DNAH5: variants seen among roughly 807,000 people sequenced by gnomAD.
DNAH5 encodes the protein axonemal beta dynein heavy chain 5.
In DNAH5, 372 loss-of-function variants were observed where a neutral mutation model predicts 518.2. The ratio of observed to expected loss-of-function variants is 0.72; its 90% CI spans 0.66 to 0.78. DNAH5 has a LOEUF of 0.78. Ranked by LOEUF, DNAH5 falls within the 30% of genes least tolerant of loss-of-function variation. The pLI is 0.00. For missense variants in DNAH5, 5,523 were observed against 5,687.0 expected, an observed-to-expected ratio of 0.97 and a Z score of 0.93; for synonymous variants, 2,039 against 2,025.9, an observed-to-expected ratio of 1.01 and a Z score of -0.17.
intron 14 of DNAH5, 195 bp from the exon 15 acceptor site, chr5:13,900,607 T>C (rs1774473143): frequency 3.3e-6 from 2 of 611,884 alleles, no homozygotes; most frequent in East Asian, 5.6e-5. Flanking sequence ...TTGGTGTTGA[T>C]GTTGGGCAGT....
chr5:13,840,927 T>G lies in DNAH5; in HGVS notation c.5688A>C (p.Gln1896His). ...YETLITIHVH[Q>H]RDIFDDLCHM... ...TTACCAGGTCATCAAAGATATCCCT[T>G]TGGTGCACATGAATAGTAATCAGAG... Residue 1896 changes from glutamine to histidine, a missense_variant, in exon 34 of 79, where the codon CAA (glutamine) becomes CAC (histidine). Physicochemically the swap from Gln to His is conservative, Grantham distance 24. This residue lies in a region of DNAH5 where 5,121 missense variants were observed against 5,223.3 expected (regional missense o/e 0.98). Transcript: ENST00000265104. 3.1e-6 allele frequency: 5 copies of G among 1,614,036 alleles called. No homozygotes were observed. The highest frequency in any genetic ancestry group is 4.2e-6 in the Non-Finnish European group (5 of 1,179,890).
At chr5:13,743,665 G>C (rs975350691) in intron 65 of DNAH5, among the ~76,000 whole-genome samples, 3 of 151,856 alleles carry the variant, frequency 2.0e-5, no homozygotes, top group Non-Finnish European at 2.9e-5. Context: ...GAACAGACAT[G>C]TCTCAAAAGA....
chr5:13,700,336 C>A (rs1381466122), intron 78 of DNAH5, among the ~76,000 whole-genome samples: 1 of 152,224 alleles, frequency 6.6e-6, no homozygotes, highest in African/African-American at 2.4e-5. Context: ...TCTCCTTTCC[C>A]ATGCCTATTA....
chr5:13,869,001 T>C (rs1769688997), intron 24 of DNAH5, among the ~76,000 whole-genome samples: 1 of 152,180 alleles, frequency 6.6e-6, no homozygotes, highest in South Asian at 2.1e-4. Context: ...TCTTAATTCC[T>C]AGGTGGGAGA....
intron 1 of DNAH5, among the ~76,000 whole-genome samples, chr5:14,002,221 T>A (rs1322387362): frequency 1.3e-5 from 2 of 152,168 alleles, no homozygotes; most frequent in Non-Finnish European, 2.9e-5. Context: ...CTTTGGCTAT[T>A]CATATAATAC....
chr5:13,859,404 G>C (rs530614658), intron 30 of DNAH5, 48 bp downstream of exon 30: 1 of 1,609,178 alleles, frequency 6.2e-7, no homozygotes, highest in African/African-American at 1.3e-5. Flanking sequence ...ATCGCTCTGA[G>C]AGCTTTCTCT....
intron 75 of DNAH5, among the ~76,000 whole-genome samples, chr5:13,711,517 G>A (rs1339249294): frequency 6.6e-6 from 1 of 152,180 alleles, no homozygotes; most frequent in African/African-American, 2.4e-5. Context: ...GTCCTGGCCA[G>A]AGCAATCAGT....
intron 65 of DNAH5, among the ~76,000 whole-genome samples, chr5:13,742,258 A>C (rs1036088566): frequency 2.0e-5 from 3 of 152,114 alleles, no homozygotes; most frequent in Non-Finnish European, 4.4e-5. Context: ...TCAAAAGCAG[A>C]ACCAGGTCTT....
intron 33 of DNAH5, 101 bp from the exon 34 acceptor site, chr5:13,841,231 A>G (rs1195120864): frequency 2.1e-6 from 2 of 945,656 alleles, no homozygotes; most frequent in Admixed American, 4.0e-5. Context: ...CACAAGTGTA[A>G]AGCCATGATT....
At chr5:13,820,320 A>T in intron 41 of DNAH5, 26 bp downstream of exon 41, 4 of 1,604,370 alleles carry the variant, frequency 2.5e-6, no homozygotes, top group Non-Finnish European at 3.4e-6. Flanking sequence ...GGGCCACCCC[A>T]GGCATTGACC....
chr5:13,920,633 A>G lies in DNAH5; in HGVS notation c.661-16T>C, dbSNP rs1161197658. ...GAAGGTTCACCTAATTAGAATGAAA[A>G]TTAAATAATCAGATGATGCTTTTGT... is the stretch of plus-strand genomic sequence containing the variant. On this transcript the variant is annotated splice_polypyrimidine_tract_variant and intron_variant, in intron 5 of 78. Transcript: ENST00000265104. 6.2e-7 allele frequency: 1 copy of G among 1,613,790 alleles called. No homozygotes were observed. Among genetic ancestry groups the G allele is most frequent in the East Asian group, 2.2e-5 (1 of 44,848 alleles).
At chr5:13,760,077 C>T (rs1331000184) in intron 60 of DNAH5, among the ~76,000 whole-genome samples, 3 of 152,168 alleles carry the variant, frequency 2.0e-5, no homozygotes, top group Non-Finnish European at 4.4e-5. Context: ...CTGTAAGCTG[C>T]AACTGTTCCC....
intron 59 of DNAH5, 80 bp from the exon 60 acceptor site, chr5:13,762,981 GA>G (rs1751990985): frequency 8.3e-7 from 1 of 1,199,642 alleles, no homozygotes; most frequent in African/African-American, 1.5e-5. Flanking sequence ...CAATGCCACT[GA>G]AACTACTGAA....
At chr5:13,940,355 G>A (rs1580986133) in intron 1 of DNAH5, among the ~76,000 whole-genome samples, 1 of 152,128 alleles carries the variant, frequency 6.6e-6, no homozygotes, top group Admixed American at 6.5e-5. Flanking sequence ...ATTTCAAGAG[G>A]TCTCTCTGGC....
chr5:13,780,742 TA>T, intron 53 of DNAH5, 86 bp downstream of exon 53: 1 of 1,432,830 alleles, frequency 7.0e-7, no homozygotes, highest in South Asian at 1.2e-5. Flanking sequence ...TCTTTATATG[TA>T]AGAGAAATGC....
intron 70 of DNAH5, among the ~76,000 whole-genome samples, chr5:13,724,768 C>T (rs114685791): frequency 0.031 from 4,643 of 152,186 alleles, 218 homozygotes; most frequent in African/African-American, 0.099. Context: ...TGCAGCATCT[C>T]CCCCACTCTC....
chr5:13,919,609 G>T (rs761854972), intron 6 of DNAH5, among the ~76,000 whole-genome samples: 4 of 152,062 alleles, frequency 2.6e-5, no homozygotes, highest in Non-Finnish European at 4.4e-5. Flanking sequence ...ATTTTGGGGG[G>T]TTTTTAAAGA....
intron 58 of DNAH5, among the ~76,000 whole-genome samples, chr5:13,767,820 C>G (rs190138671): frequency 6.6e-6 from 1 of 152,128 alleles, no homozygotes; most frequent in African/African-American, 2.4e-5. Context: ...GGCAATAGAA[C>G]AGTTATCTAA....
intron 1 of DNAH5, among the ~76,000 whole-genome samples, chr5:13,964,281 G>A (rs532770009): frequency 2.6e-4 from 40 of 152,198 alleles, no homozygotes; most frequent in Admixed American, 9.8e-4. Flanking sequence ...GTACCAAAAC[G>A]GGCCTTTTGA....
Sources: gnomAD v4.1 joint callset for allele counts (sites outside exome capture counted in the v4.1 genomes callset) on GRCh38, gnomAD v4.1.1 for gene constraint, gnomAD v4.1.1 regional missense constraint, MANE v1.5 for transcripts, NCBI Gene and HGNC (gene_info 2026-07-23, HGNC 2026-07-21) for gene names.